RGS6: variants seen among roughly 807,000 people sequenced by gnomAD.
RGS6 encodes regulator of G protein signaling 6.
RGS6 carries 30 observed loss-of-function variants against 78.5 expected under a neutral mutation model. The observed-to-expected ratio is 0.38, with a 90% CI of 0.29 to 0.52. The LOEUF is 0.52. RGS6 is among the 20% of genes least tolerant of loss of function. The pLI, the probability that RGS6 is intolerant of heterozygous loss-of-function variation, is 0.85. For missense variants in RGS6, 495 were observed against 609.7 expected, an observed-to-expected ratio of 0.81 and a Z score of 1.98; for synonymous variants, 206 against 206.0, an observed-to-expected ratio of 1.00 and a Z score of 0.00.
chr14:72,227,434 G>A (rs1237595345), intron 2 of RGS6, among the ~76,000 whole-genome samples: 1 of 152,062 alleles, frequency 6.6e-6, no homozygotes, highest in African/African-American at 2.4e-5. Flanking sequence ...TTCTTAATCT[G>A]GAGACATCTA....
At chr14:72,351,748 A>G (rs2079142814) in intron 2 of RGS6, among the ~76,000 whole-genome samples, 1 of 152,164 alleles carries the variant, frequency 6.6e-6, no homozygotes, top group African/African-American at 2.4e-5. Context: ...GGTTCAACCT[A>G]TATGTAAACC....
chr14:72,504,921 ATTTTTTTTTTTTTTT>A (rs34953560), intron 13 of RGS6, among the ~76,000 whole-genome samples: 825 of 76,114 alleles, frequency 0.011, 18 homozygotes, highest in Non-Finnish European at 0.012. Flanking sequence ...CGCCCAGCTA[ATTTTTTTTTTTTTTT>A]TTTTTTTTTT....
chr14:72,550,334 G>A (rs2097486246), intron 17 of RGS6: 2 of 763,104 alleles, frequency 2.6e-6, no homozygotes, highest in South Asian at 1.5e-5. Context: ...GGAGAGGGAA[G>A]GCAGGGAGGC....
At chr14:72,009,216 T>C (rs1322974376) in intron 2 of RGS6, among the ~76,000 whole-genome samples, 1 of 152,060 alleles carries the variant, frequency 6.6e-6, no homozygotes, top group East Asian at 1.9e-4. Context: ...CCACGCATGG[T>C]AGTGTGCACC....
intron 3 of RGS6, among the ~76,000 whole-genome samples, chr14:72,427,712 A>G (rs145997227): frequency 1.1e-3 from 175 of 152,268 alleles, no homozygotes; most frequent in African/African-American, 4.0e-3. Context: ...CAAACCTGCC[A>G]TTATCCTTGG....
At position 72,564,955 on chromosome 14, in the gene RGS6, C is replaced by T. The variant is rs535087049; in HGVS notation, c.*2488C>T. On this transcript the variant is annotated 3_prime_UTR_variant, in exon 18 of 18. Coordinates refer to ENST00000553525, the MANE Select transcript of RGS6 (RefSeq NM_001204424.2). Reference sequence around the variant, plus strand: ...GTTCCCCAGTAGATCAAGCCAGAAGCTTTGCAAGAAGGGAGTGGAACGAGG... The same window carrying T: ...GTTCCCCAGTAGATCAAGCCAGAAGTTTTGCAAGAAGGGAGTGGAACGAGG... 4.7e-4 allele frequency: 72 copies of T among 152,424 alleles called. No individual in the cohort carries two copies. The highest frequency in any genetic ancestry group is 1.7e-3 in the African/African-American group (72 of 41,564). The allele number at this position is 152,424 out of a possible 1,614,324, so 9.4% of individuals were successfully genotyped here. A position where few individuals can be genotyped will look rare whatever the true frequency, so the allele number is the denominator to read the frequency against.
At chr14:71,916,013 C>A in the RGS6 span, among the ~76,000 whole-genome samples, 3 of 152,250 alleles carry the variant, frequency 2.0e-5, no homozygotes, top group South Asian at 2.1e-4. Context: ...TGATCTTGGA[C>A]CTCCACCCTC....
chr14:72,180,403 GC>G (rs1447537815), intron 2 of RGS6, among the ~76,000 whole-genome samples: 1 of 152,180 alleles, frequency 6.6e-6, no homozygotes, highest in Non-Finnish European at 1.5e-5. Flanking sequence ...GAAATGAATG[GC>G]TCACTCCAAA....
intron 2 of RGS6, among the ~76,000 whole-genome samples, chr14:72,014,213 G>A (rs1351821456): frequency 6.6e-6 from 1 of 152,122 alleles, no homozygotes. Flanking sequence ...CTCTGATATT[G>A]GATAATGTTG....
At chr14:72,250,465 G>C (rs975328639) in intron 2 of RGS6, among the ~76,000 whole-genome samples, 1 of 140,778 alleles carries the variant, frequency 7.1e-6, no homozygotes, top group Non-Finnish European at 1.6e-5. Context: ...GAAAAAAGAA[G>C]TCCATTTAGT....
At chr14:72,392,294 G>A (rs1254250158) in intron 3 of RGS6, among the ~76,000 whole-genome samples, 3 of 152,194 alleles carry the variant, frequency 2.0e-5, no homozygotes, top group East Asian at 3.9e-4. Context: ...ATGAGATGTT[G>A]GAGCTTGAAG....
At chr14:72,059,435 G>T (rs2093780748) in intron 2 of RGS6, among the ~76,000 whole-genome samples, 1 of 152,176 alleles carries the variant, frequency 6.6e-6, no homozygotes, top group Non-Finnish European at 1.5e-5. Flanking sequence ...GAATTAGGTA[G>T]TTTTTGCCTT....
intron 2 of RGS6, among the ~76,000 whole-genome samples, chr14:72,272,799 G>A (rs189637870): frequency 6.6e-6 from 1 of 152,314 alleles, no homozygotes; most frequent in East Asian, 1.9e-4. Flanking sequence ...TGGCTCTACA[G>A]TTGAAATATC....
At position 71,966,643 on chromosome 14, in the gene RGS6, G is replaced by GA. The variant is rs200696110; in HGVS notation, c.84+1777dup. Among the ~76,000 whole-genome samples, 617 of 150,448 alleles carry GA rather than the reference G, an allele frequency of 4.1e-3. 1 individual carries two copies. Among genetic ancestry groups the GA allele is most frequent in the African/African-American group, 0.014 (566 of 41,120 alleles). On this transcript the variant is annotated intron_variant, in intron 2 of 17. Transcript: ENST00000553525. ...GCCACAATTTTTTCATCTGTAAAAA[G>GA]AAAAAAAAATGTGGGAGGAAGGTAA... is the stretch of plus-strand genomic sequence containing the variant.
At chr14:72,283,050 A>G (rs2061858101) in intron 2 of RGS6, among the ~76,000 whole-genome samples, 1 of 152,194 alleles carries the variant, frequency 6.6e-6, no homozygotes, top group Non-Finnish European at 1.5e-5. Context: ...TGACTGGCTT[A>G]TTTCACTTAG....
At chr14:72,392,421 T>A (rs2090220714) in intron 3 of RGS6, among the ~76,000 whole-genome samples, 1 of 152,028 alleles carries the variant, frequency 6.6e-6, no homozygotes, top group Non-Finnish European at 1.5e-5. Context: ...TCAGGTCAGT[T>A]ATCGCTGCCT....
intron 3 of RGS6, among the ~76,000 whole-genome samples, chr14:72,448,357 C>T (rs2095417417): frequency 6.6e-6 from 1 of 152,196 alleles, no homozygotes; most frequent in Admixed American, 6.5e-5. Context: ...TGACACTGAA[C>T]TTTTCATCAC....
intron 9 of RGS6, among the ~76,000 whole-genome samples, chr14:72,473,382 T>G (rs2096142997): frequency 6.6e-6 from 1 of 152,172 alleles, no homozygotes; most frequent in Non-Finnish European, 1.5e-5. Flanking sequence ...AGGCGGAGCT[T>G]GCAGTGAGCC....
chr14:72,619,296 C>CCTAG, the RGS6 span: 2 of 1,535,972 alleles, frequency 1.3e-6, no homozygotes, highest in East Asian at 4.9e-5. Flanking sequence ...GACCTGGGGC[C>CCTAG]CTAGGCCTGG....
Sources: gnomAD v4.1 joint callset for allele counts (sites outside exome capture counted in the v4.1 genomes callset) on GRCh38, gnomAD v4.1.1 for gene constraint, MANE v1.5 for transcripts, NCBI Gene and HGNC (gene_info 2026-07-23, HGNC 2026-07-21) for gene names.